Variants in PHACTR2 observed in about 807,000 individuals in gnomAD.
PHACTR2 encodes chromosome 6 open reading frame 56.
Under a neutral mutation model 76.0 loss-of-function variants are expected in PHACTR2, and 30 were observed. The ratio of observed to expected loss-of-function variants is 0.39; its 90% confidence interval spans 0.30 to 0.54. The LOEUF is 0.54. Ranked by LOEUF, PHACTR2 falls within the 20% of genes least tolerant of loss-of-function variation. The pLI is 0.61. For missense variants in PHACTR2, 696 were observed against 781.1 expected, an observed-to-expected ratio of 0.89 and a Z score of 1.30; for synonymous variants, 292 against 292.5, an observed-to-expected ratio of 1.00 and a Z score of 0.02.
chr6:143,715,019 A>T (rs181545392), intron 2 of PHACTR2, among the ~76,000 whole-genome samples: 14 of 152,210 alleles, frequency 9.2e-5, no homozygotes, highest in South Asian at 6.2e-4. Context: ...TCAAAACCAA[A>T]CTTACTGAAA....
intron 1 of PHACTR2, among the ~76,000 whole-genome samples, chr6:143,609,735 C>T (rs1009387473): frequency 6.6e-6 from 1 of 152,132 alleles, no homozygotes; most frequent in Non-Finnish European, 1.5e-5. Flanking sequence ...TCTGGCAGAA[C>T]GATCACTTTA....
chr6:143,721,034 T>C (rs1562282124), intron 2 of PHACTR2, among the ~76,000 whole-genome samples: 4 of 152,340 alleles, frequency 2.6e-5, no homozygotes, highest in East Asian at 3.9e-4. Flanking sequence ...CATTTTGTTA[T>C]GGCTTTCTTT....
At chr6:143,727,833 T>C (rs1345107088) in intron 2 of PHACTR2, among the ~76,000 whole-genome samples, 3 of 152,206 alleles carry the variant, frequency 2.0e-5, no homozygotes, top group African/African-American at 7.2e-5. Context: ...GAGTTCCCTG[T>C]ACATACCTCA....
rs2328515 is a variant in PHACTR2, at chr6:143,750,493, C to T, written c.295+1428C>T. ...ATGGGCCAATGCATTTATTAGACAT[C>T]GTTTATTTAGAAATATTTTAAAGAA... On this transcript the variant is annotated intron_variant, in intron 3 of 12. Coordinates refer to ENST00000440869, the MANE Select transcript of PHACTR2 (RefSeq NM_001100164.2). This position sits in a 1 kb window ranked among gnomAD's most constrained non-coding sequence, Gnocchi z 4.6. Among the ~76,000 whole-genome samples the T allele has an allele frequency of 0.15, 22,188 of 151,950 alleles. 1,762 individuals are homozygous for T. The highest frequency in any genetic ancestry group is 0.21 in the African/African-American group (8,674 of 41,420).
At chr6:143,728,246 C>G in intron 2 of PHACTR2, among the ~76,000 whole-genome samples, 1 of 88,686 alleles carries the variant, frequency 1.1e-5, no homozygotes, top group African/African-American at 4.6e-5. Flanking sequence ...GAGACAGGGT[C>G]TTACTCTGTC....
chr6:143,741,877 G>A (rs868647946), intron 2 of PHACTR2, among the ~76,000 whole-genome samples: 52 of 152,160 alleles, frequency 3.4e-4, no homozygotes, highest in Middle Eastern at 6.8e-3. Flanking sequence ...TCAGGCAGGC[G>A]GATCACCTGA....
At chr6:143,575,449 C>T (rs1243796856) in intron 1 of PHACTR2, among the ~76,000 whole-genome samples, 1 of 152,126 alleles carries the variant, frequency 6.6e-6, no homozygotes, top group African/African-American at 2.4e-5. Context: ...TGATGATGAA[C>T]TATCAAAACG....
In PHACTR2 at chr6:143,663,847, T is replaced by C. The variant is rs1776986189; in HGVS notation, c.14-48169T>C. On this transcript the variant is annotated intron_variant, in intron 1 of 11. Transcript: ENST00000305766. The surrounding 1 kb of genome is among the most constrained non-coding windows in gnomAD (Gnocchi z 4.1). Reference sequence around the variant, plus strand: ...ATTTATTGAGATTTCTGTTATGATCTAGTGTTAAATCAATGTACAGTTGCC... The same window carrying C: ...ATTTATTGAGATTTCTGTTATGATCCAGTGTTAAATCAATGTACAGTTGCC... Among the ~76,000 whole-genome samples the C allele has an allele frequency of 6.6e-6, 1 of 152,214 alleles. No homozygotes were observed. The highest frequency in any genetic ancestry group is 2.4e-5 in the African/African-American group (1 of 41,466).
chr6:143,677,093 T>G (rs1346240146), upstream of PHACTR2, among the ~76,000 whole-genome samples: 1 of 152,178 alleles, frequency 6.6e-6, no homozygotes, highest in Non-Finnish European at 1.5e-5. Context: ...AATATATGCC[T>G]TCAGCAAAGT....
intron 1 of PHACTR2, among the ~76,000 whole-genome samples, chr6:143,699,044 CCA>C (rs1190099667): frequency 6.6e-6 from 1 of 152,178 alleles, no homozygotes; most frequent in Non-Finnish European, 1.5e-5. Context: ...CATTTTGCGT[CCA>C]GTCTTGTGCA....
In PHACTR2 at chr6:143,830,331, T is replaced by C. The variant is rs764146076; in HGVS notation, c.*6642T>C. On this transcript the variant is annotated 3_prime_UTR_variant, in exon 13 of 13. Transcript: ENST00000440869. ...ACAGGGATTTTTAAATAACGGACTA[T>C]ATGCATTCTTTTGTTATTTCACACT... 6.6e-6 allele frequency: 1 copy of C among 151,722 alleles called. No homozygotes were observed. Among genetic ancestry groups the C allele is most frequent in the Non-Finnish European group, 1.5e-5 (1 of 67,934 alleles). The allele number at this position is 151,722 out of a possible 1,614,324, so 9.4% of individuals were successfully genotyped here.
chr6:143,736,355 A>T (rs1252250290), intron 2 of PHACTR2, among the ~76,000 whole-genome samples: 1 of 152,212 alleles, frequency 6.6e-6, no homozygotes, highest in Admixed American at 6.5e-5. Context: ...CATAGCCAGT[A>T]TTTAATCCTC....
Position 143,811,371 on chromosome 6 carries a change from A to G in PHACTR2, c.1922+4238A>G, listed in dbSNP as rs1776170575. 6.6e-6 allele frequency among the ~76,000 whole-genome samples: 1 copy of G among 152,190 alleles called. No individual in the cohort carries two copies. The highest frequency in any genetic ancestry group is 2.4e-5 in the African/African-American group (1 of 41,458). On this transcript the variant is annotated intron_variant, in intron 12 of 12. Coordinates refer to ENST00000440869, the MANE Select transcript of PHACTR2 (RefSeq NM_001100164.2). The surrounding 1 kb of genome is among the most constrained non-coding windows in gnomAD (Gnocchi z 4.1). ...TTGATGGGGCATTTTTTCACCCTCA[A>G]AATTCTATTGGCTATTTTTTTTATT...
rs2128484778 is a variant in PHACTR2 at position 143,811,340 on chromosome 6, T to G, written c.1922+4207T>G. On this transcript the variant is annotated intron_variant, in intron 12 of 12. Transcript: ENST00000440869. The surrounding 1 kb of genome is among the most constrained non-coding windows in gnomAD (Gnocchi z 4.1). The stretch of plus-strand genomic sequence containing the variant: ...ATTTGGATAGATTTGTAGTGTACTT[T>G]TATATTTGATGGGGCATTTTTTCAC... Among the ~76,000 whole-genome samples the G allele has an allele frequency of 6.6e-6, 1 of 152,358 alleles. No homozygotes were observed. The highest frequency in any genetic ancestry group is 1.5e-5 in the Non-Finnish European group (1 of 68,018).
Position 143,553,948 on chromosome 6 carries a change from G to A in PHACTR2, c.217+16741G>A, listed in dbSNP as rs982009768. On this transcript the variant is annotated intron_variant, in intron 1 of 11. Transcript: ENST00000367584. This position sits in a 1 kb window ranked among gnomAD's most constrained non-coding sequence, Gnocchi z 4.2. ...GGGTGATCCTTCCAGGCAGAGAGAA[G>A]AGCAAGGGCAAAGGCCCCAAGGAAC... Among the ~76,000 whole-genome samples, 2 of 152,120 alleles carry A rather than the reference G, an allele frequency of 1.3e-5. No individual in the cohort carries two copies. Among genetic ancestry groups the A allele is most frequent in the African/African-American group, 4.8e-5 (2 of 41,408 alleles).
At chr6:143,681,770 C>A (rs1256350320) in intron 1 of PHACTR2, among the ~76,000 whole-genome samples, 1 of 152,230 alleles carries the variant, frequency 6.6e-6, no homozygotes, top group African/African-American at 2.4e-5. Flanking sequence ...TGTATGGCGT[C>A]ATGTAGGGTT....
chr6:143,564,540 G>C lies in PHACTR2; in HGVS notation c.217+27333G>C, dbSNP rs149611158. Reference sequence around the variant, plus strand: ...TGCACATTTATGGGAATTCATTAGAGGGGGAAGCCTGGATTTAAAATTTCC... The same window carrying C: ...TGCACATTTATGGGAATTCATTAGACGGGGAAGCCTGGATTTAAAATTTCC... On this transcript the variant is annotated intron_variant, in intron 1 of 11. Coordinates refer to the PHACTR2 transcript ENST00000367584. Among the ~76,000 whole-genome samples the C allele has an allele frequency of 1.8e-3, 272 of 152,180 alleles. 1 individual carries two copies. The highest frequency in any genetic ancestry group is 5.9e-3 in the African/African-American group (243 of 41,526).
Position 143,774,308 on chromosome 6 carries a change from A to AT in PHACTR2, c.1589+94dup. 1 of 949,554 alleles carries AT rather than the reference A, an allele frequency of 1.1e-6. No individual in the cohort carries two copies. 58.8% of individuals were successfully genotyped at this position (949,554 alleles called of 1,614,324 possible). A position where few individuals can be genotyped will look rare whatever the true frequency, so the allele number is the denominator to read the frequency against. On this transcript the variant is annotated intron_variant, in intron 8 of 12. Transcript: ENST00000440869. This position sits in a 1 kb window ranked among gnomAD's most constrained non-coding sequence, Gnocchi z 5.4. Reference sequence around the variant, plus strand: ...TAACTGGGGTCATTGTGAATTCCTTATGTACAGATACATCTGGCCTACTGG... The same window carrying AT: ...TAACTGGGGTCATTGTGAATTCCTTATTGTACAGATACATCTGGCCTACTGG...
At chr6:143,798,306 G>T (rs200981497) in intron 11 of PHACTR2, among the ~76,000 whole-genome samples, 1 of 152,158 alleles carries the variant, frequency 6.6e-6, no homozygotes, top group Non-Finnish European at 1.5e-5. Flanking sequence ...GGGCTGAGAC[G>T]ATGGGGTTTT....
Sources: allele counts gnomAD v4.1 joint callset (sites outside exome capture counted in the v4.1 genomes callset), GRCh38; gene constraint gnomAD v4.1.1; non-coding constraint Gnocchi (gnomAD v3.1); transcripts MANE v1.5; gene names NCBI Gene and HGNC (gene_info 2026-07-23, HGNC 2026-07-21).